The following STRA6 variants were observed in gnomAD, a reference collection of about 807,000 sequenced individuals.
The protein encoded by STRA6 is receptor for retinol uptake STRA6.
Under a neutral mutation model 83.6 loss-of-function variants are expected in STRA6, and 48 were observed. The ratio of observed to expected loss-of-function variants is 0.57; its 90% CI spans 0.46 to 0.73. The LOEUF (loss-of-function observed/expected upper bound fraction) is 0.73. Among genes scored for constraint, STRA6 ranks in the 30% least tolerant of loss-of-function variants. STRA6 has a pLI of 0.00. For missense variants in STRA6, 760 were observed against 838.8 expected (o/e 0.91, Z 1.16); for synonymous variants, 353 against 362.3 (o/e 0.97, Z 0.29).
chr15:74,201,901 G>A (rs181881830), intron 2 of STRA6, among the ~76,000 whole-genome samples: 40 of 152,250 alleles, frequency 2.6e-4, no homozygotes, highest in Admixed American at 1.7e-3. Context: ...TTTTTAACAC[G>A]TCACACATCA....
chr15:74,206,298 C>T (rs534559013), upstream of STRA6, among the ~76,000 whole-genome samples: 37 of 152,124 alleles, frequency 2.4e-4, no homozygotes, highest in Non-Finnish European at 4.3e-4. Flanking sequence ...AGCGGGTGGC[C>T]GCGTGGCTCA....
chr15:74,183,549 T>G (rs1449052802), intron 14 of STRA6: 1 of 1,230,408 alleles, frequency 8.1e-7, no homozygotes, highest in African/African-American at 1.6e-5. Context: ...CAGCCAGGAA[T>G]GTACCATTTT....
In STRA6 at chr15:74,179,920, G is replaced by A; in HGVS notation, c.*160C>T. On this transcript the variant is annotated 3_prime_UTR_variant, in exon 19 of 19. Coordinates refer to ENST00000395105, the MANE Select transcript of STRA6 (RefSeq NM_022369.4). ...GTGGGTGGAGCAGAGCCCTCCTGAG[G>A]CTCCCAGTGCAGACAGACCTCCACC... 2.1e-6 allele frequency: 2 copies of A among 952,942 alleles called. No individual in the cohort carries two copies. Among genetic ancestry groups the A allele is most frequent in the Non-Finnish European group, 3.1e-6 (2 of 636,934 alleles). The allele number at this position is 952,942 out of a possible 1,614,324, so 59.0% of individuals were successfully genotyped here.
At chr15:74,193,723 A>C in intron 8 of STRA6, 77 bp downstream of exon 8, 3 of 1,601,360 alleles carry the variant, frequency 1.9e-6, no homozygotes, top group Non-Finnish European at 2.6e-6. Context: ...ACGGCCATGT[A>C]TCTGGGACCA....
At chr15:74,203,486 C>T (rs534630663), upstream of STRA6, among the ~76,000 whole-genome samples, 114 of 152,330 alleles carry the variant, frequency 7.5e-4, no homozygotes, top group South Asian at 2.3e-3. Context: ...GGCCACTGTC[C>T]CTGGTGGAGG....
In STRA6 at chr15:74,195,373, C is replaced by T. The variant is rs1338380855; in HGVS notation, c.526G>A (p.Gly176Ser). 2 of 1,613,384 alleles carry T rather than the reference C, an allele frequency of 1.2e-6. No individual in the cohort carries two copies. The highest frequency in any genetic ancestry group is 1.7e-6 in the Non-Finnish European group (2 of 1,180,008). ...AGGTGGGCCCAGGACAGCGTGCTGC[C>T]GAGCAGGTGTGCAGCTGTGTGGCCA... is the stretch of plus-strand genomic sequence containing the variant. ...TAGHTAAHLL[G>S]STLSWAHLGV... is the part of the protein sequence containing the mutation. The change falls in exon 7 of 19, where the codon GGC becomes AGC. Residue 176 changes from glycine to serine, a missense_variant. Physicochemically the swap from Gly to Ser is moderately conservative, Grantham distance 56. Transcript: ENST00000395105.
chr15:74,197,630 G>C, intron 3 of STRA6, 122 bp downstream of exon 3: 2 of 1,373,634 alleles, frequency 1.5e-6, no homozygotes. Flanking sequence ...AGAACTCCCA[G>C]ATAGCTCCCC....
chr15:74,209,165 G>A (rs1166699235), upstream of STRA6: 16 of 1,290,732 alleles, frequency 1.2e-5, no homozygotes, highest in East Asian at 2.5e-4. Context: ...GCACAGAGCA[G>A]GGGCTGGGGC....
intron 1 of STRA6, among the ~76,000 whole-genome samples, chr15:74,208,589 GCTCC>G (rs2074315121): frequency 6.6e-6 from 1 of 152,114 alleles, no homozygotes; most frequent in Non-Finnish European, 1.5e-5. Context: ...GCCTTTTGGA[GCTCC>G]TGCTAGCCCC....
At chr15:74,183,051 T>G (rs887057128) in intron 14 of STRA6, among the ~76,000 whole-genome samples, 3 of 152,336 alleles carry the variant, frequency 2.0e-5, no homozygotes, top group Admixed American at 2.0e-4. Context: ...GGCCCTTGGA[T>G]GTGCAACCCA....
rs368481827 is a variant in STRA6 at position 74,195,366 on chromosome 15, G to T, written c.533C>A (p.Thr178Lys). Residue 178 changes from threonine to lysine, a missense_variant, in exon 7 of 19, where the codon ACG becomes AAG. Transcript: ENST00000395105. ...GHTAAHLLGS[T>K]LSWAHLGVQV... Reference sequence around the variant, plus strand: ...GACCCCAAGGTGGGCCCAGGACAGCGTGCTGCCGAGCAGGTGTGCAGCTGT... The same window carrying T: ...GACCCCAAGGTGGGCCCAGGACAGCTTGCTGCCGAGCAGGTGTGCAGCTGT... 1 of 1,613,582 alleles carries T rather than the reference G, an allele frequency of 6.2e-7. No individual in the cohort carries two copies. Among genetic ancestry groups the T allele is most frequent in the Non-Finnish European group, 8.5e-7 (1 of 1,180,002 alleles).
intron 16 of STRA6, 97 bp from the exon 17 acceptor site, chr15:74,181,555 C>G (rs2072990805): frequency 1.3e-6 from 2 of 1,491,208 alleles, no homozygotes; most frequent in Middle Eastern, 3.4e-4. Context: ...TGTGTATTTA[C>G]TGAGTGCCTA....
At chr15:74,191,545 G>T in intron 8 of STRA6, 54 bp from the exon 9 acceptor site, 1 of 1,518,396 alleles carries the variant, frequency 6.6e-7, no homozygotes, top group Non-Finnish European at 9.1e-7. Flanking sequence ...ACCCATTCGT[G>T]GGTCCCTGGC....
At chr15:74,183,719 C>G in intron 14 of STRA6, 137 bp downstream of exon 14, 1 of 1,590,318 alleles carries the variant, frequency 6.3e-7, no homozygotes, top group Admixed American at 1.7e-5. Context: ...GGGGTCCCTC[C>G]TTCTTGCTGC....
upstream of STRA6, chr15:74,203,134 G>A: frequency 6.1e-6 from 6 of 985,596 alleles, no homozygotes; most frequent in Non-Finnish European, 7.2e-6. Context: ...TGGGGCGGAG[G>A]CAGGGAAGGG....
At chr15:74,194,223 T>C (rs1039895611) in intron 7 of STRA6, among the ~76,000 whole-genome samples, 4 of 152,182 alleles carry the variant, frequency 2.6e-5, no homozygotes, top group Admixed American at 2.0e-4. Flanking sequence ...GACACCTCTT[T>C]CTGTTTCTGT....
upstream of STRA6, among the ~76,000 whole-genome samples, chr15:74,206,470 G>A (rs1037977945): frequency 6.6e-6 from 1 of 152,238 alleles, no homozygotes; most frequent in African/African-American, 2.4e-5. Flanking sequence ...AGGAAGAGAA[G>A]GATGGTAATG....
At chr15:74,192,088 T>A (rs566025423) in intron 8 of STRA6, 1 of 163,858 alleles carries the variant, frequency 6.1e-6, no homozygotes, top group East Asian at 1.7e-4. Context: ...CTTGTTGCCA[T>A]GACAACCCTG....
chr15:74,207,554 A>G, upstream of STRA6: 1 of 770,866 alleles, frequency 1.3e-6, no homozygotes, highest in South Asian at 1.7e-5. Flanking sequence ...CCACCCTCCC[A>G]TCTCAGCCCT....
Sources: allele counts gnomAD v4.1 joint callset (sites outside exome capture counted in the v4.1 genomes callset), GRCh38; gene constraint gnomAD v4.1.1; transcripts MANE v1.5; gene names NCBI Gene and HGNC (gene_info 2026-07-23, HGNC 2026-07-21).